Variants in PLD5 observed in about 807,000 individuals in gnomAD.
PLD5 encodes inactive phospholipase D5.
In PLD5, 36 loss-of-function variants were observed where a neutral mutation model predicts 61.1. That is an observed-to-expected ratio of 0.59 (90% confidence interval 0.45 to 0.78). PLD5 has a LOEUF of 0.78. Ranked by LOEUF, PLD5 falls within the 30% of genes least tolerant of loss-of-function variation. The pLI, the probability that PLD5 is intolerant of heterozygous loss-of-function variation, is 0.00. For missense variants in PLD5, 515 were observed against 644.4 expected (o/e 0.80, Z 2.17); for synonymous variants, 243 against 242.8 (o/e 1.00, Z -0.01).
rs770144274 is a variant in PLD5, at chr1:242,452,302, C to T, written c.189+71786G>A. On this transcript the variant is annotated intron_variant, in intron 1 of 9. Transcript: ENST00000536534. ...ATAATCATCTGCCTGTTGAGTCAAC[C>T]AGGATTCTAGTGATATGAAAAATTG... is the stretch of plus-strand genomic sequence containing the variant. 7.8e-4 allele frequency among the ~76,000 whole-genome samples: 118 copies of T among 152,008 alleles called. 1 individual carries two copies. Among genetic ancestry groups the T allele is most frequent in the Non-Finnish European group, 2.1e-4 (14 of 68,002 alleles).
chr1:242,420,703 C>T (rs531488401), intron 1 of PLD5, among the ~76,000 whole-genome samples: 2 of 152,196 alleles, frequency 1.3e-5, no homozygotes, highest in African/African-American at 2.4e-5. Flanking sequence ...TACATATACA[C>T]CTGCCAGTCA....
intron 2 of PLD5, among the ~76,000 whole-genome samples, chr1:242,331,667 T>C (rs966486247): frequency 3.3e-5 from 5 of 152,186 alleles, no homozygotes; most frequent in Non-Finnish European, 7.3e-5. Flanking sequence ...CCAGGCTAGA[T>C]TGATTCACAC....
At chr1:242,245,008 A>G (rs568280089) in intron 4 of PLD5, among the ~76,000 whole-genome samples, 2 of 152,234 alleles carry the variant, frequency 1.3e-5, no homozygotes, top group East Asian at 3.9e-4. Flanking sequence ...TTAAAACTCC[A>G]CTCAGCTTAT....
At position 242,394,498 on chromosome 1, in the gene PLD5, A is replaced by G. The variant is rs190020099; in HGVS notation, c.190-46256T>C. ...TATGTGTATATATGTGAACATATAT[A>G]TGTGTATATATGTGAACATATATAT... On this transcript the variant is annotated intron_variant, in intron 1 of 9. Transcript: ENST00000536534. Among the ~76,000 whole-genome samples, 37 of 78,168 alleles carry G rather than the reference A, an allele frequency of 4.7e-4. 3 individuals are homozygous for G. In the East Asian group the frequency reaches 0.013, roughly 28 times the overall value. The allele number at this position is 78,168 out of a possible 152,430, so 51.3% of individuals were successfully genotyped here.
intron 1 of PLD5, among the ~76,000 whole-genome samples, chr1:242,407,571 T>G (rs539223024): frequency 6.6e-5 from 10 of 151,082 alleles, no homozygotes; most frequent in Non-Finnish European, 1.5e-4. Flanking sequence ...GTTTTTTTTT[T>G]TTTTTTTTGA....
chr1:242,357,100 G>A (rs972273806), intron 1 of PLD5, among the ~76,000 whole-genome samples: 1 of 151,888 alleles, frequency 6.6e-6, no homozygotes, highest in African/African-American at 2.4e-5. Flanking sequence ...AGTAATTCCT[G>A]TAAGAGAGAC....
At position 242,196,376 on chromosome 1, in the gene PLD5, T is replaced by TCATCCCAACTCCATTTTACAACCGAC. The variant is rs1558330642; in HGVS notation, c.735+23611_735+23612insGTCGGTTGTAAAATGGAGTTGGGATG. Among the ~76,000 whole-genome samples the TCATCCCAACTCCATTTTACAACCGAC allele has an allele frequency of 7.2e-5, 11 of 152,166 alleles. No individual in the cohort carries two copies. In the East Asian group the frequency reaches 2.1e-3, roughly 30 times the overall value. ...CATCCCAACTCCATTTTACAACCGA[T>TCATCCCAACTCCATTTTACAACCGAC]ACCCTGCAGGTGCAGGCTCGGATCG... is the stretch of plus-strand genomic sequence containing the variant. On this transcript the variant is annotated intron_variant, in intron 5 of 9. Transcript: ENST00000536534.
chr1:242,384,741 C>T (rs1662502609), intron 1 of PLD5, among the ~76,000 whole-genome samples: 1 of 152,112 alleles, frequency 6.6e-6, no homozygotes, highest in South Asian at 2.1e-4. Context: ...CCTATTTCTC[C>T]TTAACATCAT....
At chr1:242,489,840 C>T (rs1021876963) in intron 1 of PLD5, among the ~76,000 whole-genome samples, 1 of 152,104 alleles carries the variant, frequency 6.6e-6, no homozygotes, top group Non-Finnish European at 1.5e-5. Flanking sequence ...GATCATTTCC[C>T]GCAGAAGGAA....
chr1:242,273,497 C>G (rs1447816975), intron 3 of PLD5, among the ~76,000 whole-genome samples: 1 of 152,166 alleles, frequency 6.6e-6, no homozygotes, highest in Non-Finnish European at 1.5e-5. Flanking sequence ...TGTTTCCAGT[C>G]AGAATTAGTA....
At chr1:242,517,203 A>G (rs1355984946) in intron 1 of PLD5, among the ~76,000 whole-genome samples, 3 of 149,398 alleles carry the variant, frequency 2.0e-5, no homozygotes, top group African/African-American at 7.7e-5. Flanking sequence ...TTCTTGCTTT[A>G]TTGTATTGTC....
chr1:242,168,090 C>G (rs1474414780), intron 5 of PLD5, among the ~76,000 whole-genome samples: 2 of 152,206 alleles, frequency 1.3e-5, no homozygotes, highest in Admixed American at 6.5e-5. Context: ...TGATTAGGAA[C>G]AGCTGGTCTT....
chr1:242,242,016 C>G lies in PLD5; in HGVS notation c.608-21901G>C, dbSNP rs978923559. 1.3e-3 allele frequency among the ~76,000 whole-genome samples: 166 copies of G among 129,978 alleles called. 1 individual carries two copies. Among genetic ancestry groups the G allele is most frequent in the African/African-American group, 3.7e-3 (123 of 33,182 alleles). The allele number at this position is 129,978 out of a possible 152,430, so 85.3% of individuals were successfully genotyped here. A position where few individuals can be genotyped will look rare whatever the true frequency, so the allele number is the denominator to read the frequency against. On this transcript the variant is annotated intron_variant, in intron 4 of 9. Coordinates refer to ENST00000536534, the MANE Select transcript of PLD5 (RefSeq NM_001372062.1). The stretch of plus-strand genomic sequence containing the variant: ...CTATATATATATATATATATAGACA[C>G]ACACACACACACACACACACACACA...
chr1:242,224,997 G>A (rs192423156), intron 4 of PLD5, among the ~76,000 whole-genome samples: 1 of 152,172 alleles, frequency 6.6e-6, no homozygotes, highest in East Asian at 1.9e-4. Flanking sequence ...TGGCAACTAC[G>A]CAGCAGGATT....
intron 5 of PLD5, among the ~76,000 whole-genome samples, chr1:242,174,387 A>C (rs1469913041): frequency 6.6e-6 from 1 of 152,238 alleles, no homozygotes; most frequent in East Asian, 1.9e-4. Flanking sequence ...ATCATTAAAA[A>C]GTCAGGAAAC....
chr1:242,180,188 T>C (rs1667434047), intron 5 of PLD5, among the ~76,000 whole-genome samples: 2 of 152,034 alleles, frequency 1.3e-5, no homozygotes, highest in South Asian at 4.1e-4. Context: ...GGGCACTCAT[T>C]GTGAGATGTG....
chr1:242,424,546 GAA>G (rs11285496), intron 1 of PLD5, among the ~76,000 whole-genome samples: 27 of 141,818 alleles, frequency 1.9e-4, no homozygotes, highest in African/African-American at 5.1e-4. Context: ...CTCCCTCATA[GAA>G]AAAAAAAAAA....
At chr1:242,133,409 T>C (rs2148765569) in intron 5 of PLD5, among the ~76,000 whole-genome samples, 1 of 152,330 alleles carries the variant, frequency 6.6e-6, no homozygotes, top group South Asian at 2.1e-4. Flanking sequence ...TGCTTGAGCC[T>C]GCTCCCACTT....
At chr1:242,393,685 T>C (rs1034819028) in intron 1 of PLD5, among the ~76,000 whole-genome samples, 9 of 103,374 alleles carry the variant, frequency 8.7e-5, no homozygotes, top group Non-Finnish European at 1.7e-4. Flanking sequence ...TATATATGTG[T>C]ATATATATGA....
Sources: gnomAD v4.1 joint callset for allele counts (sites outside exome capture counted in the v4.1 genomes callset) on GRCh38, gnomAD v4.1.1 for gene constraint, MANE v1.5 for transcripts, NCBI Gene and HGNC (gene_info 2026-07-23, HGNC 2026-07-21) for gene names.